Variants in SCUBE1 observed in about 807,000 individuals in gnomAD.
The protein encoded by SCUBE1 is signal peptide, CUB and EGF-like domain-containing protein 1.
A neutral mutation model predicts 124.4 loss-of-function variants in SCUBE1; 59 were observed. The observed-to-expected ratio is 0.47, with a 90% CI of 0.38 to 0.59. SCUBE1 has a LOEUF of 0.59. SCUBE1 is among the 20% of genes least tolerant of loss of function. SCUBE1 has a pLI of 0.00. For missense variants in SCUBE1, 1,150 were observed against 1,371.2 expected, an observed-to-expected ratio of 0.84 and a Z score of 2.55; for synonymous variants, 545 against 550.9, an observed-to-expected ratio of 0.99 and a Z score of 0.15.
chr22:43,271,100 C>T (rs1032902955), intron 4 of SCUBE1, among the ~76,000 whole-genome samples: 1 of 152,226 alleles, frequency 6.6e-6, no homozygotes, highest in African/African-American at 2.4e-5. Flanking sequence ...CAACTTCTGG[C>T]TAGTTACTTG....
At chr22:43,331,575 C>T (rs1926904204) in intron 2 of SCUBE1, among the ~76,000 whole-genome samples, 4 of 152,192 alleles carry the variant, frequency 2.6e-5, no homozygotes, top group Admixed American at 1.3e-4. Context: ...GGGCGGTTTG[C>T]TCCTCGTTTG....
chr22:43,340,946 T>C (rs1365575697), intron 1 of SCUBE1, among the ~76,000 whole-genome samples: 1 of 152,082 alleles, frequency 6.6e-6, no homozygotes, highest in Admixed American at 6.5e-5. Context: ...AATATCTGGG[T>C]TCGAAATCTG....
chr22:43,260,703 T>C (rs1327923329), intron 5 of SCUBE1, among the ~76,000 whole-genome samples: 1 of 152,210 alleles, frequency 6.6e-6, no homozygotes, highest in East Asian at 1.9e-4. Context: ...CACATCGGGC[T>C]CTCCATACCT....
chr22:43,235,918 C>T (rs1287859309), intron 7 of SCUBE1, among the ~76,000 whole-genome samples: 1 of 152,108 alleles, frequency 6.6e-6, no homozygotes, highest in South Asian at 2.1e-4. Flanking sequence ...TCTTCCAGGC[C>T]CCCCTCGTCC....
chr22:43,266,865 C>A (rs116188907), intron 4 of SCUBE1, among the ~76,000 whole-genome samples: 4 of 152,342 alleles, frequency 2.6e-5, no homozygotes, highest in Non-Finnish European at 4.4e-5. Context: ...AGCCCCTCCA[C>A]GAAGCACATA....
chr22:43,260,640 G>A (rs1031352245), intron 5 of SCUBE1, among the ~76,000 whole-genome samples: 2 of 152,248 alleles, frequency 1.3e-5, no homozygotes, highest in Admixed American at 6.5e-5. Context: ...AGCTGGGCTC[G>A]CTGGGCAGCT....
At chr22:43,263,861 T>C (rs952416087) in intron 4 of SCUBE1, among the ~76,000 whole-genome samples, 1 of 152,200 alleles carries the variant, frequency 6.6e-6, no homozygotes, top group African/African-American at 2.4e-5. Context: ...AGAGTCTAAC[T>C]AAGCAACGAG....
intron 3 of SCUBE1, among the ~76,000 whole-genome samples, chr22:43,293,889 C>A (rs758452452): frequency 6.6e-6 from 1 of 152,188 alleles, no homozygotes; most frequent in Non-Finnish European, 1.5e-5. Flanking sequence ...AGCTCCCTGG[C>A]GCCGCCCATC....
At chr22:43,327,438 G>T (rs188982698) in intron 2 of SCUBE1, among the ~76,000 whole-genome samples, 1 of 152,300 alleles carries the variant, frequency 6.6e-6, no homozygotes, top group South Asian at 2.1e-4. Flanking sequence ...GAAGACTTGC[G>T]GGGTGGTAGA....
At chr22:43,236,825 G>A (rs936935273) in intron 7 of SCUBE1, among the ~76,000 whole-genome samples, 13 of 152,162 alleles carry the variant, frequency 8.5e-5, no homozygotes, top group Non-Finnish European at 1.8e-4. Context: ...CCTGTCTTCT[G>A]CACTCAGTAG....
intron 1 of SCUBE1, 140 bp downstream of exon 1, chr22:43,343,034 A>C: frequency 4.6e-6 from 1 of 215,480 alleles, no homozygotes; most frequent in Non-Finnish European, 7.9e-6. Flanking sequence ...CCGGCCCTAG[A>C]AGTTACTTTG....
At chr22:43,277,400 G>C (rs1413159625) in intron 4 of SCUBE1, among the ~76,000 whole-genome samples, 1 of 152,206 alleles carries the variant, frequency 6.6e-6, no homozygotes, top group Non-Finnish European at 1.5e-5. Flanking sequence ...AGGCCTGTGA[G>C]GCAGCTGCCG....
chr22:43,281,707 G>C (rs1924919061), intron 4 of SCUBE1, among the ~76,000 whole-genome samples: 1 of 152,130 alleles, frequency 6.6e-6, no homozygotes, highest in African/African-American at 2.4e-5. Context: ...ATGGGTTCCA[G>C]ACCCTGATGG....
chr22:43,307,396 TG>T (rs1377667498), intron 3 of SCUBE1, among the ~76,000 whole-genome samples: 1 of 152,176 alleles, frequency 6.6e-6, no homozygotes, highest in African/African-American at 2.4e-5. Context: ...AAGGGCGGGA[TG>T]GTTATGGAGA....
intron 2 of SCUBE1, among the ~76,000 whole-genome samples, chr22:43,324,869 G>A (rs1926671580): frequency 6.6e-6 from 1 of 150,630 alleles, no homozygotes; most frequent in Non-Finnish European, 1.5e-5. Context: ...AAGATATGTT[G>A]AGGTCCCAAC....
At chr22:43,322,871 AT>A (rs969949967) in intron 2 of SCUBE1, among the ~76,000 whole-genome samples, 2 of 152,252 alleles carry the variant, frequency 1.3e-5, no homozygotes, top group African/African-American at 4.8e-5. Context: ...AGAAGGAGGT[AT>A]CTACTCCTGA....
intron 21 of SCUBE1, among the ~76,000 whole-genome samples, chr22:43,204,590 C>T (rs932218539): frequency 5.9e-5 from 9 of 151,932 alleles, no homozygotes; most frequent in South Asian, 4.2e-4. Flanking sequence ...TGAGCCACGG[C>T]GCCTGGCCCG....
intron 3 of SCUBE1, among the ~76,000 whole-genome samples, chr22:43,293,489 G>A (rs939124685): frequency 3.3e-5 from 5 of 152,254 alleles, no homozygotes; most frequent in African/African-American, 1.2e-4. Flanking sequence ...GCTGCGAAGA[G>A]CCGGCTGCTC....
intron 4 of SCUBE1, among the ~76,000 whole-genome samples, chr22:43,268,192 C>A (rs1194591127): frequency 6.6e-6 from 1 of 152,252 alleles, no homozygotes; most frequent in Non-Finnish European, 1.5e-5. Flanking sequence ...AGGCCCAGAG[C>A]AGGCTTCTGT....
Sources: gnomAD v4.1 joint callset for allele counts (sites outside exome capture counted in the v4.1 genomes callset) on GRCh38, gnomAD v4.1.1 for gene constraint, MANE v1.5 for transcripts, NCBI Gene and HGNC (gene_info 2026-07-23, HGNC 2026-07-21) for gene names.